The following PSPC1 variants were observed in gnomAD, a reference collection of about 807,000 sequenced individuals.
PSPC1 encodes paraspeckle protein 1.
Under a neutral mutation model 51.6 loss-of-function variants are expected in PSPC1, and 14 were observed. That is an observed-to-expected ratio of 0.27 (90% confidence interval 0.18 to 0.42). The LOEUF (loss-of-function observed/expected upper bound fraction) is 0.42, where lower values mean the gene tolerates loss of function less well. Ranked by LOEUF, PSPC1 falls within the 10% of genes least tolerant of loss-of-function variation. The pLI, the probability that PSPC1 is intolerant of heterozygous loss-of-function variation, is 1.00. For synonymous variants in PSPC1, 193 were observed against 231.9 expected, an observed-to-expected ratio of 0.83 and a Z score of 1.53; for missense variants, 406 against 701.1, an observed-to-expected ratio of 0.58 and a Z score of 4.75.
intron 7 of PSPC1, among the ~76,000 whole-genome samples, chr13:19,707,229 T>C (rs1362451279): frequency 6.6e-6 from 1 of 152,142 alleles, no homozygotes; most frequent in Non-Finnish European, 1.5e-5. Flanking sequence ...GGGTTCAGAA[T>C]ATAACTATAC....
chr13:19,716,086 A>G (rs796217474), intron 6 of PSPC1, among the ~76,000 whole-genome samples: 4 of 152,388 alleles, frequency 2.6e-5, no homozygotes, highest in African/African-American at 9.6e-5. Context: ...TATAAGACAT[A>G]TATGAAACAT....
chr13:19,680,678 T>C (rs1293753598), intron 6 of PSPC1, among the ~76,000 whole-genome samples: 2 of 152,278 alleles, frequency 1.3e-5, no homozygotes, highest in Middle Eastern at 3.4e-3. Flanking sequence ...AGTATAACTG[T>C]AACAACTATA....
At chr13:19,674,365 C>T (rs1433207803), downstream of PSPC1, among the ~76,000 whole-genome samples, 1 of 152,298 alleles carries the variant, frequency 6.6e-6, no homozygotes, top group East Asian at 1.9e-4. Flanking sequence ...ACACTATCCT[C>T]GCAAGTAAAT....
At chr13:19,750,409 G>A (rs1382314413) in intron 4 of PSPC1, among the ~76,000 whole-genome samples, 1 of 151,042 alleles carries the variant, frequency 6.6e-6, no homozygotes, top group African/African-American at 2.4e-5. Flanking sequence ...TCCAGCCTGG[G>A]CAACAGAGCA....
intron 2 of PSPC1, among the ~76,000 whole-genome samples, chr13:19,761,528 G>A (rs1472388712): frequency 6.6e-6 from 1 of 152,118 alleles, no homozygotes. Flanking sequence ...TAATACCAGA[G>A]ATTAACACAG....
downstream of PSPC1, chr13:19,699,236 A>C (rs1166674860): frequency 1.3e-5 from 2 of 151,880 alleles, no homozygotes; most frequent in Non-Finnish European, 2.9e-5. Context: ...ACGAGGTCTC[A>C]CTACAACTGC....
intron 6 of PSPC1, among the ~76,000 whole-genome samples, chr13:19,685,574 G>C (rs796690868): frequency 9.2e-5 from 14 of 152,286 alleles, no homozygotes; most frequent in African/African-American, 3.4e-4. Context: ...GAATAATTCA[G>C]TCTGACAGAA....
intron 7 of PSPC1, among the ~76,000 whole-genome samples, chr13:19,676,050 T>C (rs1876594984): frequency 6.6e-6 from 1 of 152,216 alleles, no homozygotes; most frequent in Admixed American, 6.5e-5. Context: ...AAAGTTCCAA[T>C]GACAAATCTA....
At chr13:19,728,048 A>T (rs114615791) in intron 6 of PSPC1, among the ~76,000 whole-genome samples, 1,644 of 152,310 alleles carry the variant, frequency 0.011, 28 homozygotes, top group African/African-American at 0.038. Context: ...GACAACTGAT[A>T]TTGATGAAGT....
At chr13:19,705,317 A>AC (rs1880508846) in intron 8 of PSPC1, among the ~76,000 whole-genome samples, 1 of 152,228 alleles carries the variant, frequency 6.6e-6, no homozygotes, top group South Asian at 2.1e-4. Flanking sequence ...ACATAGTGAA[A>AC]CCCTGTCTCT....
At chr13:19,688,184 T>C (rs1043461507) in intron 6 of PSPC1, among the ~76,000 whole-genome samples, 12 of 152,282 alleles carry the variant, frequency 7.9e-5, no homozygotes, top group African/African-American at 2.9e-4. Flanking sequence ...TTGTATCTTA[T>C]ATGCATTTCT....
intron 2 of PSPC1, among the ~76,000 whole-genome samples, chr13:19,764,608 G>A (rs1486636047): frequency 7.3e-6 from 1 of 137,704 alleles, no homozygotes; most frequent in East Asian, 2.2e-4. Flanking sequence ...ATCATTTGAG[G>A]CCAGGAATTC....
At chr13:19,730,115 C>A in intron 6 of PSPC1, 124 bp downstream of exon 6, 1 of 717,140 alleles carries the variant, frequency 1.4e-6, no homozygotes, top group South Asian at 2.3e-5. Flanking sequence ...ACTAATTTAT[C>A]AAACATGATG....
At chr13:19,741,895 G>T (rs1428326601) in intron 4 of PSPC1, among the ~76,000 whole-genome samples, 1 of 151,900 alleles carries the variant, frequency 6.6e-6, no homozygotes, top group Non-Finnish European at 1.5e-5. Context: ...AATTTGGGAG[G>T]CCAAGGCAGG....
chr13:19,734,127 T>C (rs938500928), intron 5 of PSPC1, among the ~76,000 whole-genome samples: 3 of 152,160 alleles, frequency 2.0e-5, no homozygotes, highest in Non-Finnish European at 4.4e-5. Context: ...TGTCCATATA[T>C]GTTTGCTTTC....
chr13:19,766,355 AGAGT>A lies in PSPC1; in HGVS notation c.674+5883_674+5886del, dbSNP rs1308450229. Among the ~76,000 whole-genome samples, 3 of 152,154 alleles carry A rather than the reference AGAGT, an allele frequency of 2.0e-5. No individual in the cohort carries two copies. The East Asian group carries it at 5.8e-4, about 29-fold the overall frequency. ...GCCACAGAACTGCACCCTGAGTGAC[AGAGT>A]GAGACCCTGTCTCAAATCAATCTAT... On this transcript the variant is annotated intron_variant, in intron 2 of 8. Transcript: ENST00000338910.
chr13:19,765,975 T>C (rs758302319), intron 2 of PSPC1, among the ~76,000 whole-genome samples: 12 of 152,192 alleles, frequency 7.9e-5, no homozygotes, highest in Non-Finnish European at 1.6e-4. Context: ...AAATAAAATG[T>C]TGGAAAAAGT....
intron 6 of PSPC1, among the ~76,000 whole-genome samples, chr13:19,726,996 A>C (rs191636039): frequency 1.3e-5 from 2 of 152,356 alleles, no homozygotes; most frequent in South Asian, 2.1e-4. Context: ...TTTAATAGTA[A>C]GTCAGGTATA....
At chr13:19,700,878 C>A (rs1286493290), downstream of PSPC1, among the ~76,000 whole-genome samples, 2 of 151,970 alleles carry the variant, frequency 1.3e-5, no homozygotes, top group African/African-American at 4.8e-5. Flanking sequence ...AGATGATATT[C>A]AAAAATCTTC....
Sources: gnomAD v4.1 joint callset for allele counts (sites outside exome capture counted in the v4.1 genomes callset) on GRCh38, gnomAD v4.1.1 for gene constraint, MANE v1.5 for transcripts, NCBI Gene and HGNC (gene_info 2026-07-23, HGNC 2026-07-21) for gene names.